TNFSF11: variants seen among roughly 807,000 people sequenced by gnomAD.
The protein encoded by TNFSF11 is tumor necrosis factor ligand superfamily member 11.
TNFSF11 carries 12 observed loss-of-function variants against 32.2 expected under a neutral mutation model. The observed-to-expected ratio is 0.37, with a 90% CI of 0.24 to 0.60. The LOEUF (loss-of-function observed/expected upper bound fraction) is 0.60. TNFSF11 is among the 20% of genes least tolerant of loss of function. The pLI is 0.66. For synonymous variants in TNFSF11, 172 were observed against 152.1 expected, an observed-to-expected ratio of 1.13 and a Z score of -0.96; for missense variants, 345 against 398.0, an observed-to-expected ratio of 0.87 and a Z score of 1.13.
chr13:42,567,354 AAG>A (rs1216424090), intron 2 of TNFSF11, among the ~76,000 whole-genome samples: 5 of 152,232 alleles, frequency 3.3e-5, no homozygotes, highest in Non-Finnish European at 7.3e-5. Flanking sequence ...TCTAGAAAGT[AAG>A]AGATAAAATT....
intron 2 of TNFSF11, among the ~76,000 whole-genome samples, chr13:42,568,431 C>T (rs1479363664): frequency 6.6e-6 from 1 of 152,180 alleles, no homozygotes; most frequent in East Asian, 1.9e-4. Flanking sequence ...GGGGGTAAGG[C>T]AGTATATTTC....
chr13:42,574,521 A>G lies in TNFSF11; in HGVS notation c.218A>G (p.Gln73Arg). ...GCCCTGTTCTTCTATTTCAGAGCGC[A>G]GGTGAGTGGCCACCTTCCCAGGGGA... ...SVALFFYFRA[Q>R]MDPNRISEDG... Residue 73 changes from glutamine to arginine, a missense_variant and splice_region_variant, in exon 1 of 5, where the codon CAG becomes CGG. By Grantham distance (43) the Gln-to-Arg change is conservative. This residue lies in a region of TNFSF11 where 197 missense variants were observed against 182.0 expected (regional missense o/e 1.08). Coordinates refer to ENST00000398795, the MANE Select transcript of TNFSF11 (RefSeq NM_003701.4). The G allele has an allele frequency of 6.2e-7, 1 of 1,607,136 alleles. No homozygotes were observed. Among genetic ancestry groups the G allele is most frequent in the South Asian group, 1.1e-5 (1 of 90,622 alleles).
chr13:42,606,346 CT>C (rs1291795452), intron 4 of TNFSF11, 150 bp from the exon 5 acceptor site: 19 of 951,568 alleles, frequency 2.0e-5, no homozygotes, highest in Non-Finnish European at 3.0e-5. Context: ...TGAATGTATT[CT>C]CCCCTTCTAG....
intron 2 of TNFSF11, among the ~76,000 whole-genome samples, chr13:42,584,284 ATTACT>A (rs1031350382): frequency 3.9e-5 from 6 of 152,264 alleles, no homozygotes; most frequent in African/African-American, 1.4e-4. Context: ...ATAATACAAC[ATTACT>A]TTAAATAAGT....
intron 2 of TNFSF11, among the ~76,000 whole-genome samples, chr13:42,584,473 TG>T (rs904740286): frequency 2.0e-5 from 3 of 152,230 alleles, no homozygotes; most frequent in African/African-American, 7.2e-5. Context: ...TGAACTTTTC[TG>T]CCACCTCCTG....
chr13:42,577,285 G>A (rs1873366451), intron 1 of TNFSF11, among the ~76,000 whole-genome samples: 1 of 152,200 alleles, frequency 6.6e-6, no homozygotes, highest in East Asian at 1.9e-4. Context: ...AAATTACGGT[G>A]ACGGTTAAAA....
At chr13:42,594,631 C>T (rs868037845) in intron 2 of TNFSF11, among the ~76,000 whole-genome samples, 1 of 152,186 alleles carries the variant, frequency 6.6e-6, no homozygotes, top group Non-Finnish European at 1.5e-5. Flanking sequence ...TACACAGTAC[C>T]ATCTCTCCTG....
intron 2 of TNFSF11, among the ~76,000 whole-genome samples, chr13:42,593,328 C>T (rs755296170): frequency 3.3e-5 from 5 of 152,104 alleles, no homozygotes; most frequent in Non-Finnish European, 4.4e-5. Flanking sequence ...TGGTAAGGAA[C>T]GTGGACTTGA....
At chr13:42,587,304 T>C (rs1594468483) in intron 2 of TNFSF11, among the ~76,000 whole-genome samples, 1 of 152,112 alleles carries the variant, frequency 6.6e-6, no homozygotes, top group Non-Finnish European at 1.5e-5. Context: ...CTGGACAAGG[T>C]AGTCTCTAGC....
intron 2 of TNFSF11, among the ~76,000 whole-genome samples, chr13:42,593,242 G>C (rs1378623434): frequency 1.3e-5 from 2 of 152,206 alleles, no homozygotes; most frequent in Admixed American, 1.3e-4. Context: ...TAGGAACCTG[G>C]GATGAAGACG....
At chr13:42,600,349 T>C (rs1869099991) in intron 2 of TNFSF11, among the ~76,000 whole-genome samples, 2 of 152,200 alleles carry the variant, frequency 1.3e-5, no homozygotes, top group African/African-American at 4.8e-5. Context: ...ACTAATGAAA[T>C]AGACATGAAA....
intron 2 of TNFSF11, among the ~76,000 whole-genome samples, chr13:42,592,053 T>G (rs976642221): frequency 6.6e-6 from 1 of 152,166 alleles, no homozygotes; most frequent in Non-Finnish European, 1.5e-5. Flanking sequence ...CCAGACTAAG[T>G]GAAAAACTAA....
chr13:42,599,020 G>A (rs915813414), intron 2 of TNFSF11, among the ~76,000 whole-genome samples: 42 of 152,110 alleles, frequency 2.8e-4, no homozygotes, highest in South Asian at 2.1e-4. Context: ...CTAAATACCC[G>A]CCCTGCACAC....
At chr13:42,577,651 T>C (rs1208071329) in intron 1 of TNFSF11, among the ~76,000 whole-genome samples, 1 of 152,192 alleles carries the variant, frequency 6.6e-6, no homozygotes, top group Admixed American at 6.5e-5. Context: ...CCCTTTTAAC[T>C]TCTTCCCTCG....
chr13:42,594,155 C>A (rs1868654537), intron 2 of TNFSF11, among the ~76,000 whole-genome samples: 1 of 151,600 alleles, frequency 6.6e-6, no homozygotes, highest in Non-Finnish European at 1.5e-5. Context: ...TCTCGGCTCA[C>A]TGTAACCTCT....
intron 1 of TNFSF11, among the ~76,000 whole-genome samples, chr13:42,576,063 A>G (rs1873299644): frequency 1.3e-5 from 2 of 152,250 alleles, no homozygotes. Flanking sequence ...GGCCTAATAA[A>G]ACCATTAAAA....
At position 42,600,958 on chromosome 13, in the gene TNFSF11, T is replaced by C; in HGVS notation, c.509T>C (p.Ile170Thr). Residue 170 changes from isoleucine (I) to threonine (T), a missense_variant, in exon 4 of 5, where the codon ATT becomes ACT. This residue lies in a region of TNFSF11 where 148 missense variants were observed against 216.0 expected (regional missense o/e 0.69). Transcript: ENST00000398795. ...GCTCAGCCTTTTGCTCATCTCACTA[T>C]TAATGCCACCGACATCCCATCTGGT... is the stretch of plus-strand genomic sequence containing the variant. ...LEAQPFAHLTINATDIPSGSH... is the reference protein window; with the variant it reads ...LEAQPFAHLTTNATDIPSGSH... 1 of 1,614,168 alleles carries C rather than the reference T, an allele frequency of 6.2e-7. No homozygotes were observed. The highest frequency in any genetic ancestry group is 1.7e-5 in the Admixed American group (1 of 60,022).
chr13:42,574,302 C>T lies in TNFSF11; in HGVS notation c.-2C>T. On this transcript the variant is annotated 5_prime_UTR_variant, in exon 1 of 5. Transcript: ENST00000398795. ...AGCTCCGAAGCGAGAGGGCCGAGCG[C>T]CATGCGCCGCGCCAGCAGAGACTAC... The T allele has an allele frequency of 6.5e-7, 1 of 1,545,572 alleles. No homozygotes were observed. Among genetic ancestry groups the T allele is most frequent in the Non-Finnish European group, 8.7e-7 (1 of 1,145,674 alleles).
intron 2 of TNFSF11, 81 bp from the exon 3 acceptor site, chr13:42,600,671 C>A: frequency 7.1e-7 from 1 of 1,412,932 alleles, no homozygotes; most frequent in Non-Finnish European, 9.7e-7. Flanking sequence ...TAATTTGTTG[C>A]ATATGTAACA....
Sources: allele counts gnomAD v4.1 joint callset (sites outside exome capture counted in the v4.1 genomes callset), GRCh38; gene constraint gnomAD v4.1.1; regional missense constraint gnomAD v4.1.1; transcripts MANE v1.5; gene names NCBI Gene and HGNC (gene_info 2026-07-23, HGNC 2026-07-21).